Variants in CEP350 observed in about 807,000 individuals in gnomAD.
The protein encoded by CEP350 is centrosomal protein 350.
In CEP350, 126 loss-of-function variants were observed where a neutral mutation model predicts 331.8. The ratio of observed to expected loss-of-function variants is 0.38; its 90% CI spans 0.33 to 0.44. CEP350 has a LOEUF of 0.44. Ranked by LOEUF, CEP350 falls within the 20% of genes least tolerant of loss-of-function variation. The pLI is 1.00. For synonymous variants in CEP350, 1,200 were observed against 1,259.5 expected (o/e 0.95, Z 1.00); for missense variants, 3,406 against 3,634.6 (o/e 0.94, Z 1.62).
chr1:180,107,830 A>AAAAAAC (rs143060440), intron 37 of CEP350, among the ~76,000 whole-genome samples: 4 of 150,302 alleles, frequency 2.7e-5, no homozygotes, highest in Admixed American at 6.6e-5. Context: ...CTGCTCCCAA[A>AAAAAAC]AAAACAAAAC....
chr1:179,957,201 A>G (rs1487516436), intron 1 of CEP350, among the ~76,000 whole-genome samples: 1 of 152,178 alleles, frequency 6.6e-6, no homozygotes, highest in African/African-American at 2.4e-5. Context: ...TTAGTTATGT[A>G]AAACAAACAT....
chr1:180,019,045 A>G lies in CEP350; in HGVS notation c.2175-904A>G, dbSNP rs1216878119. 5.3e-5 allele frequency among the ~76,000 whole-genome samples: 8 copies of G among 152,012 alleles called. 1 individual carries two copies. Among genetic ancestry groups the G allele is most frequent in the Non-Finnish European group, 1.2e-4 (8 of 67,986 alleles). ...TAATTTTTTGGTATTTGTAGTAGAG[A>G]TGAGTTTCGCCATTTTGCCCAGGCT... On this transcript the variant is annotated intron_variant, in intron 11 of 37. Transcript: ENST00000367607.
intron 1 of CEP350, among the ~76,000 whole-genome samples, chr1:179,972,377 A>G (rs1651516308): frequency 6.6e-6 from 1 of 152,204 alleles, no homozygotes; most frequent in African/African-American, 2.4e-5. Context: ...AGAGAACTAG[A>G]GAAGTGGGAA....
rs1198983532 is a variant in CEP350 at position 180,083,875 on chromosome 1, ATCT to A, written c.6125-137_6125-135del. ...TTATAGGGATACATTTTAGTAATAA[ATCT>A]TCTTCCGAAGCTCATATTTTAATTA... On this transcript the variant is annotated intron_variant, in intron 30 of 37. Transcript: ENST00000367607. 7.7e-5 allele frequency: 36 copies of A among 467,510 alleles called. No homozygotes were observed. In the East Asian group the frequency reaches 1.2e-3, roughly 15 times the overall value. The allele number at this position is 467,510 out of a possible 1,614,324, so 29.0% of individuals were successfully genotyped here.
At chr1:179,970,568 C>CTGATATA (rs1651368416) in intron 1 of CEP350, among the ~76,000 whole-genome samples, 1 of 152,188 alleles carries the variant, frequency 6.6e-6, no homozygotes, top group Non-Finnish European at 1.5e-5. Flanking sequence ...TATCATAGAT[C>CTGATATA]TGATATAGAT....
chr1:180,058,093 A>G (rs1453662494), intron 25 of CEP350, among the ~76,000 whole-genome samples: 1 of 152,204 alleles, frequency 6.6e-6, no homozygotes, highest in Non-Finnish European at 1.5e-5. Flanking sequence ...CATATATAAT[A>G]TATGACTCAG....
rs1377727972 is a variant in CEP350, at chr1:180,111,608, C to A, written c.*447C>A. The A allele has an allele frequency of 6.5e-6, 1 of 153,210 alleles. No individual in the cohort carries two copies. Among genetic ancestry groups the A allele is most frequent in the Non-Finnish European group, 1.5e-5 (1 of 68,500 alleles). 9.5% of individuals were successfully genotyped at this position (153,210 alleles called of 1,614,324 possible). A position where few individuals can be genotyped will look rare whatever the true frequency, so the allele number is the denominator to read the frequency against. On this transcript the variant is annotated 3_prime_UTR_variant, in exon 38 of 38. Coordinates refer to ENST00000367607, the MANE Select transcript of CEP350 (RefSeq NM_014810.5). ...ATTATAGTCTCTAAACAGTATTAAA[C>A]CCTTAACCACTTCTAAAATAGGCAA... is the stretch of plus-strand genomic sequence containing the variant.
At chr1:179,997,452 A>C (rs1653534119) in intron 6 of CEP350, among the ~76,000 whole-genome samples, 1 of 151,602 alleles carries the variant, frequency 6.6e-6, no homozygotes, top group African/African-American at 2.4e-5. Flanking sequence ...CTGAGGCAGG[A>C]GAATGGTGTG....
intron 37 of CEP350, 103 bp from the exon 38 acceptor site, chr1:180,110,894 C>A: frequency 3.1e-6 from 3 of 971,882 alleles, no homozygotes; most frequent in South Asian, 1.7e-5. Context: ...TGGTTTATTT[C>A]CTTGGGCTGT....
At chr1:180,011,870 A>T in intron 8 of CEP350, 59 bp from the exon 9 acceptor site, 1 of 1,127,550 alleles carries the variant, frequency 8.9e-7, no homozygotes, top group Non-Finnish European at 1.3e-6. Flanking sequence ...ATGGTTGAGT[A>T]GATACACTTC....
chr1:179,983,635 A>G (rs1389644787), intron 1 of CEP350, among the ~76,000 whole-genome samples: 1 of 152,206 alleles, frequency 6.6e-6, no homozygotes, highest in Non-Finnish European at 1.5e-5. Flanking sequence ...AAAATTAACC[A>G]TACCTTTTAG....
chr1:180,058,894 G>A (rs1658024689), intron 25 of CEP350, among the ~76,000 whole-genome samples: 2 of 152,082 alleles, frequency 1.3e-5, no homozygotes, highest in Non-Finnish European at 1.5e-5. Context: ...AAGCAATTTG[G>A]TACAACCGTA....
chr1:180,021,082 T>C (rs1655292008), intron 12 of CEP350, 73 bp downstream of exon 12: 6 of 1,323,128 alleles, frequency 4.5e-6, no homozygotes, highest in South Asian at 3.7e-5. Context: ...GTATGAGATA[T>C]GTACTTTAGT....
chr1:180,004,910 T>TTGCTTG (rs1558093178), intron 7 of CEP350, among the ~76,000 whole-genome samples: 52 of 42,854 alleles, frequency 1.2e-3, no homozygotes, highest in East Asian at 3.2e-3. Flanking sequence ...TTGCTTGCTT[T>TTGCTTG]CTTTCTTTCT....
intron 1 of CEP350, among the ~76,000 whole-genome samples, chr1:179,959,285 A>G (rs1030656324): frequency 6.6e-6 from 1 of 151,846 alleles, no homozygotes; most frequent in Admixed American, 6.6e-5. Flanking sequence ...GGCGAAACCC[A>G]TCTCTACTAA....
rs373395955 is a variant in CEP350 at position 180,041,781 on chromosome 1, C to T, written c.4341C>T (p.Asp1447=). The part of the protein sequence containing the change: ...QQSETARLTT[D]AARQICEMAE... ...CAGAAACTGCTCGCCTCACCACAGA[C>T]GCAGCACGTCAAATCTGTGAGGTAG... Residue 1447 remains aspartate (D), a synonymous_variant, in exon 19 of 38, where the codon GAC becomes GAT. Transcript: ENST00000367607. 9.9e-6 allele frequency: 16 copies of T among 1,612,330 alleles called. No individual in the cohort carries two copies. Among genetic ancestry groups the T allele is most frequent in the South Asian group, 4.4e-5 (4 of 90,774 alleles).
intron 1 of CEP350, among the ~76,000 whole-genome samples, chr1:179,985,162 C>T (rs1652561420): frequency 6.6e-6 from 1 of 152,160 alleles, no homozygotes; most frequent in Non-Finnish European, 1.5e-5. Context: ...CCATTCTTCT[C>T]TTTTCCCAGC....
At chr1:179,979,736 AT>A (rs796673932) in intron 1 of CEP350, among the ~76,000 whole-genome samples, 25 of 151,964 alleles carry the variant, frequency 1.6e-4, no homozygotes, top group African/African-American at 6.0e-4. Flanking sequence ...AGTGTGAGAG[AT>A]GGGGGTCTGT....
At chr1:180,086,620 A>C (rs1659880237) in intron 31 of CEP350, among the ~76,000 whole-genome samples, 2 of 152,084 alleles carry the variant, frequency 1.3e-5, no homozygotes, top group African/African-American at 4.8e-5. Context: ...AGATTTAATA[A>C]ATGGACTGCA....
Sources: gnomAD v4.1 joint callset for allele counts (sites outside exome capture counted in the v4.1 genomes callset) on GRCh38, gnomAD v4.1.1 for gene constraint, MANE v1.5 for transcripts, NCBI Gene and HGNC (gene_info 2026-07-23, HGNC 2026-07-21) for gene names.